SCAPER: variants seen among roughly 807,000 people sequenced by gnomAD.
SCAPER encodes S phase cyclin A-associated protein in the endoplasmic reticulum.
In SCAPER, 98 loss-of-function variants were observed where a neutral mutation model predicts 182.2. That is an observed-to-expected ratio of 0.54 (90% CI 0.46 to 0.64). The LOEUF (loss-of-function observed/expected upper bound fraction) is 0.64, where lower values mean the gene tolerates loss of function less well. Ranked by LOEUF, SCAPER falls within the 30% of genes least tolerant of loss-of-function variation. SCAPER has a pLI of 0.00. For synonymous variants in SCAPER, 605 were observed against 564.6 expected (o/e 1.07, Z -1.01); for missense variants, 1,432 against 1,690.0 (o/e 0.85, Z 2.68).
chr15:76,755,719 T>C (rs1251928055), intron 14 of SCAPER, among the ~76,000 whole-genome samples: 7 of 152,208 alleles, frequency 4.6e-5, no homozygotes, highest in Non-Finnish European at 1.0e-4. Flanking sequence ...CACAACTTCA[T>C]TTTATCAACT....
At chr15:76,406,543 G>A (rs1199214034) in intron 26 of SCAPER, among the ~76,000 whole-genome samples, 1 of 152,054 alleles carries the variant, frequency 6.6e-6, no homozygotes, top group Non-Finnish European at 1.5e-5. Context: ...CACACTTTGG[G>A]AGGCTGAGGC....
At chr15:76,725,121 A>G (rs932852034) in intron 17 of SCAPER, among the ~76,000 whole-genome samples, 2 of 152,164 alleles carry the variant, frequency 1.3e-5, no homozygotes, top group African/African-American at 4.8e-5. Flanking sequence ...ACAAATTTTA[A>G]AAGCACTTAA....
intron 24 of SCAPER, chr15:76,472,186 A>C (rs550792488): frequency 2.0e-6 from 1 of 495,234 alleles, no homozygotes; most frequent in South Asian, 1.6e-5. Context: ...TTGTCTGCTT[A>C]ACCTGCTCCT....
intron 2 of SCAPER, among the ~76,000 whole-genome samples, chr15:76,869,754 C>T (rs1189892069): frequency 2.6e-5 from 4 of 152,016 alleles, no homozygotes; most frequent in Non-Finnish European, 1.5e-5. Flanking sequence ...TCCACTACTG[C>T]GTATATATCC....
chr15:76,886,544 T>G (rs1333928558), intron 1 of SCAPER, among the ~76,000 whole-genome samples: 1 of 152,132 alleles, frequency 6.6e-6, no homozygotes, highest in Non-Finnish European at 1.5e-5. Context: ...AAAGGAACAC[T>G]TATACACTGT....
intron 23 of SCAPER, among the ~76,000 whole-genome samples, chr15:76,562,315 T>C (rs948308853): frequency 5.3e-5 from 8 of 152,028 alleles, no homozygotes; most frequent in African/African-American, 1.9e-4. Flanking sequence ...ATACTAATAT[T>C]AAGAACTTTT....
rs115853935 is a variant in SCAPER, at chr15:76,428,008, G to C, written c.3311+6070C>G. Among the ~76,000 whole-genome samples, 225 of 152,084 alleles carry C rather than the reference G, an allele frequency of 1.5e-3. 2 individuals carry two copies. Among genetic ancestry groups the C allele is most frequent in the African/African-American group, 5.3e-3 (219 of 41,456 alleles). The stretch of plus-strand genomic sequence containing the variant: ...CCATCTATTTGGGAGGCTGATTTTG[G>C]AGGATTGCTTGACCCTGGGGGGTTG... On this transcript the variant is annotated intron_variant, in intron 26 of 31. Coordinates refer to ENST00000563290, the MANE Select transcript of SCAPER (RefSeq NM_020843.4).
chr15:76,701,850 A>G lies in SCAPER; in HGVS notation c.2416T>C (p.Tyr806His), dbSNP rs2058970541. ...CTCCCTTTAACATGGCTAAAAAGATATACCTCTGAAGAGATCTGAAAGCAC... is the reference window on the plus strand; with the variant it reads ...CTCCCTTTAACATGGCTAAAAAGATGTACCTCTGAAGAGATCTGAAAGCAC... ...LCNVLISSEVYLFSHVKGRKH... is the reference protein window; with the variant it reads ...LCNVLISSEVHLFSHVKGRKH... Residue 806 changes from tyrosine (Y) to histidine (H), a missense_variant, in exon 20 of 32, where the codon TAT becomes CAT. Tyr to His is a moderately conservative substitution (Grantham distance 83). Coordinates refer to ENST00000563290, the MANE Select transcript of SCAPER (RefSeq NM_020843.4). 1.9e-6 allele frequency: 3 copies of G among 1,613,640 alleles called. No individual in the cohort carries two copies. Among genetic ancestry groups the G allele is most frequent in the African/African-American group, 1.3e-5 (1 of 75,046 alleles).
chr15:76,633,555 C>T (rs1265021551), intron 21 of SCAPER, among the ~76,000 whole-genome samples: 1 of 152,226 alleles, frequency 6.6e-6, no homozygotes, highest in African/African-American at 2.4e-5. Flanking sequence ...CACCATACTG[C>T]AGGCACCCCT....
At chr15:76,648,443 G>A (rs988751813) in intron 21 of SCAPER, among the ~76,000 whole-genome samples, 4 of 152,106 alleles carry the variant, frequency 2.6e-5, no homozygotes, top group African/African-American at 4.8e-5. Context: ...AAGAAAAATA[G>A]ACTGAGGCAG....
intron 22 of SCAPER, among the ~76,000 whole-genome samples, chr15:76,590,332 G>A (rs2049013100): frequency 6.6e-6 from 1 of 152,174 alleles, no homozygotes; most frequent in African/African-American, 2.4e-5. Context: ...AGCAGCCTAT[G>A]AAAACATGGA....
intron 20 of SCAPER, among the ~76,000 whole-genome samples, chr15:76,675,297 G>C (rs2057301946): frequency 6.6e-6 from 1 of 152,214 alleles, no homozygotes; most frequent in South Asian, 2.1e-4. Flanking sequence ...TCTAAGACCT[G>C]AACTTAAAAC....
intron 1 of SCAPER, among the ~76,000 whole-genome samples, chr15:76,895,101 C>G (rs1595941555): frequency 1.3e-5 from 2 of 152,128 alleles, no homozygotes; most frequent in East Asian, 3.8e-4. Context: ...AGGCCCATAT[C>G]CCTGATGAAT....
intron 21 of SCAPER, among the ~76,000 whole-genome samples, chr15:76,652,309 T>TATATACAC (rs1567706570): frequency 7.1e-5 from 1 of 14,162 alleles, no homozygotes; most frequent in African/African-American, 3.7e-4. Flanking sequence ...TATATATATA[T>TATATACAC]ACACACACAC....
intron 5 of SCAPER, among the ~76,000 whole-genome samples, chr15:76,838,934 C>A (rs1018342045): frequency 6.6e-6 from 1 of 152,178 alleles, no homozygotes. Flanking sequence ...GCCACCACTT[C>A]ATTAAGCACA....
chr15:76,857,962 T>A (rs2071547423), intron 3 of SCAPER, 83 bp from the exon 4 acceptor site: 1 of 940,976 alleles, frequency 1.1e-6, no homozygotes, highest in South Asian at 1.6e-5. Context: ...TTAGATAATG[T>A]AAACCTAAAC....
At chr15:76,469,603 T>C (rs1475820552) in intron 25 of SCAPER, among the ~76,000 whole-genome samples, 1 of 152,190 alleles carries the variant, frequency 6.6e-6, no homozygotes, top group Non-Finnish European at 1.5e-5. Context: ...TTTCATGATA[T>C]TGACGTTTTT....
At chr15:76,550,624 T>G (rs2045684839) in intron 23 of SCAPER, among the ~76,000 whole-genome samples, 1 of 152,222 alleles carries the variant, frequency 6.6e-6, no homozygotes, top group South Asian at 2.1e-4. Context: ...TTCCGTATCT[T>G]TTTTATTGCA....
chr15:76,837,703 T>C (rs2151752054), intron 5 of SCAPER, among the ~76,000 whole-genome samples: 1 of 152,180 alleles, frequency 6.6e-6, no homozygotes, highest in Admixed American at 6.5e-5. Flanking sequence ...TGAGATACCA[T>C]CTCACATCAG....
Sources: allele counts gnomAD v4.1 joint callset (sites outside exome capture counted in the v4.1 genomes callset), GRCh38; gene constraint gnomAD v4.1.1; transcripts MANE v1.5; gene names NCBI Gene and HGNC (gene_info 2026-07-23, HGNC 2026-07-21).